The following RNF14 variants were observed in gnomAD, a reference collection of about 807,000 sequenced individuals.
RNF14 encodes the protein E3 ubiquitin-protein ligase RNF14.
A neutral mutation model predicts 52.6 loss-of-function variants in RNF14; 26 were observed. That is an observed-to-expected ratio of 0.49 (90% CI 0.36 to 0.69). The LOEUF (loss-of-function observed/expected upper bound fraction) is 0.69, where lower values mean the gene tolerates loss of function less well. RNF14 is among the 30% of genes least tolerant of loss of function. The pLI, the probability that RNF14 is intolerant of heterozygous loss-of-function variation, is 0.00. For synonymous variants in RNF14, 194 were observed against 202.0 expected, an observed-to-expected ratio of 0.96 and a Z score of 0.34; for missense variants, 404 against 560.4, an observed-to-expected ratio of 0.72 and a Z score of 2.82.
In RNF14 at chr5:141,983,444, T is replaced by A; in HGVS notation, c.1128T>A (p.Asp376Glu). 1.9e-6 allele frequency: 3 copies of A among 1,613,734 alleles called. No homozygotes were observed. The highest frequency in any genetic ancestry group is 1.7e-6 in the Non-Finnish European group (2 of 1,179,806). Residue 376 changes from aspartate to glutamate, a missense_variant, in exon 7 of 9, where the codon GAT (aspartate) becomes GAA (glutamate). Physicochemically the swap from Asp to Glu is conservative, Grantham distance 45. Transcript: ENST00000394520. Reference sequence around the variant, plus strand: ...ATGAGGCTAATAAAAGACTTTTGGATCAAAGGTATGGTAAGAGAGTGATTC... The same window carrying A: ...ATGAGGCTAATAAAAGACTTTTGGAACAAAGGTATGGTAAGAGAGTGATTC... ...QADEANKRLL[D>E]QRYGKRVIQK...
upstream of RNF14, chr5:141,957,129 G>T: frequency 6.2e-7 from 1 of 1,614,142 alleles, no homozygotes; most frequent in East Asian, 2.2e-5. This position sits in a 1 kb window ranked among gnomAD's most constrained non-coding sequence, Gnocchi z 4.3. Flanking sequence ...CAAACGCAGG[G>T]CTATTGTCAT....
chr5:141,979,151 A>G (rs1443178283), intron 5 of RNF14, among the ~76,000 whole-genome samples: 1 of 152,250 alleles, frequency 6.6e-6, no homozygotes, highest in African/African-American at 2.4e-5. Context: ...TGAGGTTGGC[A>G]TCTGAAGGGG....
At chr5:141,963,585 A>AG (rs1321553591), upstream of RNF14, among the ~76,000 whole-genome samples, 1 of 152,232 alleles carries the variant, frequency 6.6e-6, no homozygotes, top group East Asian at 1.9e-4. Flanking sequence ...ACCACCCTGG[A>AG]GGAAGCCTAG....
chr5:141,978,942 A>G (rs1754506424), intron 5 of RNF14, 112 bp downstream of exon 5: 9 of 1,137,532 alleles, frequency 7.9e-6, no homozygotes, highest in Admixed American at 2.4e-5. Flanking sequence ...CCTTGGAGCC[A>G]GCCCACAAGT....
upstream of RNF14, chr5:141,955,285 C>T (rs760857936): frequency 6.2e-7 from 1 of 1,614,220 alleles, no homozygotes; most frequent in East Asian, 2.2e-5. The surrounding 1 kb of genome is among the most constrained non-coding windows in gnomAD (Gnocchi z 5.5). Context: ...GGAGGCATTC[C>T]TCTGCCTGGG....
chr5:141,950,288 G>T, the RNF14 span, among the ~76,000 whole-genome samples: 2 of 152,170 alleles, frequency 1.3e-5, no homozygotes, highest in Non-Finnish European at 2.9e-5. Context: ...CATCCCAGCA[G>T]GTGGGAAGGC....
Position 141,980,345 on chromosome 5 carries a change from A to G in RNF14, c.1057A>G (p.Thr353Ala). The G allele has an allele frequency of 1.2e-6, 2 of 1,613,240 alleles. 1 individual carries two copies. Among genetic ancestry groups the G allele is most frequent in the South Asian group, 2.2e-5 (2 of 91,062 alleles). The change falls in exon 6 of 9, where the codon ACT becomes GCT. Residue 353 changes from threonine to alanine, a missense_variant. By Grantham distance (58) the Thr-to-Ala change is moderately conservative. Transcript: ENST00000394520. ...TYHGVSPCKV[T>A]AEKLMDLRNE... Reference sequence around the variant, plus strand: ...CCATGGGGTCTCCCCATGTAAGGTGACTGCAGGTATGTTTTAACTGTGAAC... The same window carrying G: ...CCATGGGGTCTCCCCATGTAAGGTGGCTGCAGGTATGTTTTAACTGTGAAC...
upstream of RNF14, chr5:141,955,170 C>G: frequency 6.2e-7 from 1 of 1,614,212 alleles, no homozygotes; most frequent in South Asian, 1.1e-5. The surrounding 1 kb of genome is among the most constrained non-coding windows in gnomAD (Gnocchi z 5.5). Flanking sequence ...CCTCACTGCC[C>G]TGGTCTCCAG....
chr5:141,955,639 G>A, upstream of RNF14: 1 of 1,614,130 alleles, frequency 6.2e-7, no homozygotes, highest in African/African-American at 1.3e-5. This position sits in a 1 kb window ranked among gnomAD's most constrained non-coding sequence, Gnocchi z 5.5. Context: ...CCGGCAGATG[G>A]ACATGAACAA....
chr5:141,955,010 G>A (rs773810499), upstream of RNF14: 1 of 1,614,098 alleles, frequency 6.2e-7, no homozygotes, highest in Middle Eastern at 1.7e-4. This position sits in a 1 kb window ranked among gnomAD's most constrained non-coding sequence, Gnocchi z 5.5. Context: ...TCCTCCACGG[G>A]GTTCCGCTCG....
At chr5:141,955,843 T>C (rs1319306568), upstream of RNF14, 4 of 1,613,960 alleles carry the variant, frequency 2.5e-6, no homozygotes, top group African/African-American at 4.0e-5. This position sits in a 1 kb window ranked among gnomAD's most constrained non-coding sequence, Gnocchi z 5.5. Context: ...CAGCTCCCAC[T>C]CACTCCCAAT....
chr5:141,949,989 G>A, the RNF14 span, among the ~76,000 whole-genome samples: 36 of 152,294 alleles, frequency 2.4e-4, no homozygotes, highest in East Asian at 7.7e-4. Context: ...CAGTGCAGCC[G>A]TCCATCCGTC....
chr5:141,958,258 G>A (rs957451728), upstream of RNF14: 2 of 178,328 alleles, frequency 1.1e-5, no homozygotes, highest in African/African-American at 4.7e-5. Flanking sequence ...ACAGGAAAAG[G>A]GAGGGCTGTG....
At chr5:141,963,998 A>T (rs1033887386), upstream of RNF14, among the ~76,000 whole-genome samples, 1 of 152,208 alleles carries the variant, frequency 6.6e-6, no homozygotes, top group East Asian at 1.9e-4. Flanking sequence ...TGGGGTTACA[A>T]AACTCTTTTC....
chr5:141,956,396 C>T, upstream of RNF14: 2 of 1,614,234 alleles, frequency 1.2e-6, no homozygotes, highest in Non-Finnish European at 1.7e-6. Flanking sequence ...AAGTCTGCAT[C>T]ATGAGCCTTG....
intron 5 of RNF14, 59 bp downstream of exon 5, chr5:141,978,889 A>G (rs1051710679): frequency 1.3e-6 from 2 of 1,562,884 alleles, no homozygotes; most frequent in Non-Finnish European, 1.7e-6. Context: ...TGGAGATATC[A>G]TCTCAGGAAC....
upstream of RNF14, chr5:141,957,051 G>A (rs748043680): frequency 3.2e-5 from 51 of 1,614,014 alleles, no homozygotes; most frequent in Non-Finnish European, 3.9e-5. This position sits in a 1 kb window ranked among gnomAD's most constrained non-coding sequence, Gnocchi z 4.3. Context: ...GGTCTGTGGC[G>A]GTCAGTTTTA....
upstream of RNF14, among the ~76,000 whole-genome samples, chr5:141,968,555 TA>T (rs1366579277): frequency 6.6e-6 from 1 of 152,242 alleles, no homozygotes; most frequent in Non-Finnish European, 1.5e-5. Context: ...TTCTTGCACC[TA>T]AGTCTCAATT....
At chr5:141,980,416 C>G in intron 6 of RNF14, 65 bp downstream of exon 6, 1 of 1,203,128 alleles carries the variant, frequency 8.3e-7, no homozygotes, top group Non-Finnish European at 1.2e-6. Flanking sequence ...ACTCTACTAC[C>G]AGGGCCTTAT....
Sources: allele counts gnomAD v4.1 joint callset (sites outside exome capture counted in the v4.1 genomes callset), GRCh38; gene constraint gnomAD v4.1.1; non-coding constraint Gnocchi (gnomAD v3.1); transcripts MANE v1.5; gene names NCBI Gene and HGNC (gene_info 2026-07-23, HGNC 2026-07-21).